Variants in TMEM229B observed in about 807,000 individuals in gnomAD.
The protein encoded by TMEM229B is transmembrane protein 229B.
In TMEM229B, 6 loss-of-function variants were observed where a neutral mutation model predicts 13.7. The observed-to-expected ratio is 0.44, with a 90% CI of 0.24 to 0.86. The LOEUF (loss-of-function observed/expected upper bound fraction) is 0.86. Ranked by LOEUF, TMEM229B falls within the 40% of genes least tolerant of loss-of-function variation. The pLI is 0.23. For missense variants in TMEM229B, 170 were observed against 236.0 expected (o/e 0.72, Z 1.83); for synonymous variants, 107 against 102.1 (o/e 1.05, Z -0.29).
chr14:67,505,313 A>G (rs1372124651), intron 1 of TMEM229B, among the ~76,000 whole-genome samples: 1 of 152,112 alleles, frequency 6.6e-6, no homozygotes, highest in African/African-American at 2.4e-5. Context: ...CCTCCTGTCA[A>G]GCTGGTGAGA....
At chr14:67,503,023 C>G (rs1311953761) in intron 1 of TMEM229B, among the ~76,000 whole-genome samples, 2 of 152,170 alleles carry the variant, frequency 1.3e-5, no homozygotes, top group East Asian at 3.9e-4. Context: ...AACCAATGTT[C>G]AGGGAAGTTG....
intron 1 of TMEM229B, among the ~76,000 whole-genome samples, chr14:67,502,715 G>A (rs11626771): frequency 0.73 from 110,568 of 151,806 alleles, 42,085 homozygotes; most frequent in Non-Finnish European, 0.85. Flanking sequence ...GCCTCCCAAA[G>A]TGCTGGGATT....
upstream of TMEM229B, among the ~76,000 whole-genome samples, chr14:67,491,171 G>A (rs2032153241): frequency 6.6e-6 from 1 of 152,126 alleles, no homozygotes; most frequent in Non-Finnish European, 1.5e-5. Context: ...AGAACCCGGG[G>A]AAACACTTAC....
chr14:67,530,649 G>A (rs2033430022), intron 1 of TMEM229B, among the ~76,000 whole-genome samples: 1 of 152,178 alleles, frequency 6.6e-6, no homozygotes, highest in African/African-American at 2.4e-5. Context: ...AGGGCTTAAT[G>A]TGCTTGAGGG....
At chr14:67,525,111 G>A (rs1312947571) in intron 1 of TMEM229B, among the ~76,000 whole-genome samples, 1 of 152,092 alleles carries the variant, frequency 6.6e-6, no homozygotes, top group East Asian at 1.9e-4. Flanking sequence ...CTTGTAAAAT[G>A]CTTACATAAT....
intron 1 of TMEM229B, among the ~76,000 whole-genome samples, chr14:67,497,407 T>A (rs2032434268): frequency 6.6e-6 from 1 of 151,988 alleles, no homozygotes; most frequent in South Asian, 2.1e-4. Context: ...TGGGCCCTCC[T>A]TCCAGTGCCG....
Position 67,487,087 on chromosome 14 carries a change from C to G in TMEM229B, c.-106G>C, listed in dbSNP as rs575011388. ...GGGTTAACCTTTGTTGGCTGGGCCT[C>G]AGTGCCATTCTCAGCAACGTAGGCA... On this transcript the variant is annotated 5_prime_UTR_variant, in exon 2 of 3. Transcript: ENST00000554480. 1 of 152,398 alleles carries G rather than the reference C, an allele frequency of 6.6e-6. No individual in the cohort carries two copies. The highest frequency in any genetic ancestry group is 2.4e-5 in the African/African-American group (1 of 41,568). The allele number at this position is 152,398 out of a possible 1,614,324, so 9.4% of individuals were successfully genotyped here. A position where few individuals can be genotyped will look rare whatever the true frequency, so the allele number is the denominator to read the frequency against.
intron 1 of TMEM229B, among the ~76,000 whole-genome samples, chr14:67,509,845 T>TCTCCATATAATTG (rs1431399227): frequency 6.6e-6 from 1 of 151,920 alleles, no homozygotes; most frequent in East Asian, 1.9e-4. Context: ...AAAGACTCTG[T>TCTCCATATAATTG]CTCCATATAA....
chr14:67,508,753 C>CA (rs757183130), intron 1 of TMEM229B, among the ~76,000 whole-genome samples: 5,451 of 46,718 alleles, frequency 0.12, 765 homozygotes, highest in East Asian at 0.44. Context: ...AACCTTGTCT[C>CA]AAAAAAAAAA....
intron 2 of TMEM229B, among the ~76,000 whole-genome samples, chr14:67,474,809 C>A (rs1468250134): frequency 1.3e-5 from 2 of 152,120 alleles, no homozygotes; most frequent in African/African-American, 2.4e-5. Flanking sequence ...TGGAATCATA[C>A]AAACACTGTC....
chr14:67,474,422 A>G (rs371559555), intron 2 of TMEM229B, among the ~76,000 whole-genome samples: 4 of 152,134 alleles, frequency 2.6e-5, no homozygotes, highest in East Asian at 1.9e-4. Flanking sequence ...TGCTGCACCA[A>G]TCAGCCCCAT....
upstream of TMEM229B, among the ~76,000 whole-genome samples, chr14:67,519,708 A>G (rs1283253788): frequency 7.5e-6 from 1 of 133,340 alleles, no homozygotes; most frequent in African/African-American, 2.7e-5. Flanking sequence ...GTGGCCCTGT[A>G]AGTTTGTTTT....
At chr14:67,501,213 C>T (rs999939339) in intron 1 of TMEM229B, among the ~76,000 whole-genome samples, 23 of 152,048 alleles carry the variant, frequency 1.5e-4, no homozygotes, top group African/African-American at 5.3e-4. Flanking sequence ...CACATCAGTT[C>T]ATCCCAGAGT....
upstream of TMEM229B, among the ~76,000 whole-genome samples, chr14:67,492,858 G>A (rs2032224192): frequency 6.6e-6 from 1 of 152,242 alleles, no homozygotes; most frequent in Admixed American, 6.5e-5. Flanking sequence ...ACAAGACAAT[G>A]TTCCTGCCCC....
intron 2 of TMEM229B, among the ~76,000 whole-genome samples, chr14:67,482,050 G>A (rs1260721686): frequency 1.3e-5 from 2 of 152,196 alleles, no homozygotes; most frequent in Non-Finnish European, 2.9e-5. Flanking sequence ...ATTCAAATCC[G>A]AGAGTCCTCA....
intron 1 of TMEM229B, among the ~76,000 whole-genome samples, chr14:67,513,780 A>C (rs1240066638): frequency 6.6e-6 from 1 of 152,164 alleles, no homozygotes; most frequent in Non-Finnish European, 1.5e-5. Context: ...CTGTCTTCCA[A>C]ACAGGGAAAA....
chr14:67,489,353 A>G (rs2032059697), upstream of TMEM229B, among the ~76,000 whole-genome samples: 1 of 152,206 alleles, frequency 6.6e-6, no homozygotes, highest in Non-Finnish European at 1.5e-5. Flanking sequence ...TCCTTAAGGC[A>G]CATGTCTGCA....
intron 1 of TMEM229B, among the ~76,000 whole-genome samples, chr14:67,505,674 G>A (rs2032798325): frequency 6.6e-6 from 1 of 151,986 alleles, no homozygotes; most frequent in South Asian, 2.1e-4. Context: ...AGGGGCTGAG[G>A]AAGGAGCAAT....
At chr14:67,510,122 T>G (rs535930700) in intron 1 of TMEM229B, among the ~76,000 whole-genome samples, 1 of 152,348 alleles carries the variant, frequency 6.6e-6, no homozygotes, top group Admixed American at 6.5e-5. Context: ...TTGCAGAGCC[T>G]CAGTGTTTCC....
Sources: gnomAD v4.1 joint callset for allele counts (sites outside exome capture counted in the v4.1 genomes callset) on GRCh38, gnomAD v4.1.1 for gene constraint, MANE v1.5 for transcripts, NCBI Gene and HGNC (gene_info 2026-07-23, HGNC 2026-07-21) for gene names.